Variants in F8 observed in about 807,000 individuals in gnomAD.
F8 encodes antihemophilic factor.
A neutral mutation model predicts 140.6 loss-of-function variants in F8; 12 were observed. The observed-to-expected ratio is 0.09, with a 90% confidence interval of 0.05 to 0.14. F8 has a LOEUF of 0.14. F8 is among the 10% of genes least tolerant of loss of function. The probability of loss-of-function intolerance (pLI) is 1.00; values close to 1 mark genes in which losing one functional copy is unlikely to be tolerated. For missense variants in F8, 1,354 were observed against 1,720.7 expected (o/e 0.79, Z 3.77); for synonymous variants, 585 against 614.6 (o/e 0.95, Z 0.71).
chrX:154,903,859 C>A (rs781831922), intron 18 of F8, 47 bp downstream of exon 18: 1 of 1,122,802 alleles, frequency 8.9e-7, no homozygotes, highest in Non-Finnish European at 1.2e-6. Context: ...AAAGTAAGTA[C>A]TCAACAAATA....
chrX:155,009,805 A>ATG (rs782347767), intron 1 of F8, among the ~76,000 whole-genome samples: 1 of 111,844 alleles, frequency 8.9e-6, no homozygotes, highest in Non-Finnish European at 1.9e-5. Context: ...CATATAAAAT[A>ATG]TGTTATAGAG....
At chrX:154,954,312 A>G (rs1353066305) in intron 11 of F8, among the ~76,000 whole-genome samples, 1 of 111,752 alleles carries the variant, frequency 8.9e-6, no homozygotes, top group Admixed American at 9.5e-5. Context: ...GCCATATGCT[A>G]GCTGATTTAT....
chrX:155,005,907 C>A (rs1157534203), intron 1 of F8, among the ~76,000 whole-genome samples: 2 of 111,607 alleles, frequency 1.8e-5, no homozygotes, highest in African/African-American at 6.5e-5. Flanking sequence ...GTGGGACTGA[C>A]CTTTATTCAG....
rs1557280937 is a variant in F8, at chrX:154,953,912, T to C, written c.1883A>G (p.Gln628Arg). 8.3e-7 allele frequency: 1 copy of C among 1,212,047 alleles called. No individual in the cohort carries two copies. The highest frequency in any genetic ancestry group is 2.2e-5 in the Admixed American group (1 of 46,071). ...CTCACTGTGCATGATGTTGGAGGCT[T>C]GGAACTCTGGATCCTCAAGCTGCAC... ...AGVQLEDPEF[Q>R]ASNIMHSING... is the part of the protein sequence containing the mutation. Residue 628 changes from glutamine to arginine, a missense_variant, in exon 12 of 26, where the codon CAA becomes CGA. Transcript: ENST00000360256.
chrX:154,873,807 T>C (rs1253882348), intron 22 of F8, among the ~76,000 whole-genome samples: 1 of 111,609 alleles, frequency 9.0e-6, no homozygotes, highest in African/African-American at 3.3e-5. Context: ...AGAAAGAAAT[T>C]GGGCCCTTTT....
chrX:154,847,936 G>C (rs1208297419), intron 25 of F8, among the ~76,000 whole-genome samples: 2 of 101,699 alleles, frequency 2.0e-5, no homozygotes, highest in Non-Finnish European at 4.1e-5. Context: ...TTTGGTCTTT[G>C]ATGATGGTGA....
chrX:154,994,026 C>T (rs1364411893), intron 3 of F8, among the ~76,000 whole-genome samples: 1 of 112,137 alleles, frequency 8.9e-6, no homozygotes, highest in Non-Finnish European at 1.9e-5. Flanking sequence ...GCCCTTGGAG[C>T]GAGCAACACA....
chrX:154,981,357 C>A (rs782566887), intron 6 of F8, among the ~76,000 whole-genome samples: 3 of 109,361 alleles, frequency 2.7e-5, no homozygotes, highest in Non-Finnish European at 5.7e-5. Context: ...CTGAAGAGTC[C>A]TATTCCACCA....
intron 14 of F8, among the ~76,000 whole-genome samples, chrX:154,911,077 G>C (rs1213958009): frequency 9.2e-6 from 1 of 108,682 alleles, no homozygotes; most frequent in Non-Finnish European, 1.9e-5. Flanking sequence ...TTACCCTATT[G>C]TTCTGCCACA....
chrX:154,847,460 T>G (rs1258658492), intron 25 of F8, among the ~76,000 whole-genome samples: 2 of 112,354 alleles, frequency 1.8e-5, no homozygotes, highest in East Asian at 5.5e-4. Context: ...TAGTCCCATA[T>G]TTCTTGGAGG....
At chrX:154,894,409 C>T (rs192148375) in intron 22 of F8, among the ~76,000 whole-genome samples, 10 of 88,012 alleles carry the variant, frequency 1.1e-4, no homozygotes, top group Admixed American at 1.1e-3. Context: ...AACACTCACA[C>T]TTGGAGGCCC....
At chrX:154,901,252 C>T (rs1207462081) in intron 20 of F8, 119 bp downstream of exon 20, 1 of 564,747 alleles carries the variant, frequency 1.8e-6, no homozygotes, top group Non-Finnish European at 3.1e-6. Context: ...TTGAGAGGCA[C>T]TTATGGAATA....
chrX:154,896,724 C>T (rs1557275659), intron 21 of F8, among the ~76,000 whole-genome samples: 1 of 111,946 alleles, frequency 8.9e-6, no homozygotes, highest in Non-Finnish European at 1.9e-5. Context: ...AGTTCAGAAA[C>T]TATTTTTCCT....
At chrX:154,927,892 T>C (rs1319301352) in intron 14 of F8, among the ~76,000 whole-genome samples, 4 of 112,030 alleles carry the variant, frequency 3.6e-5, no homozygotes, top group African/African-American at 1.3e-4. Context: ...CAAAGATGAT[T>C]TCTATGACCA....
Position 154,903,115 on chromosome X carries a change from T to C in F8, c.5998+791A>G, listed in dbSNP as rs1426202498. On this transcript the variant is annotated intron_variant, in intron 18 of 25. Coordinates refer to ENST00000360256, the MANE Select transcript of F8 (RefSeq NM_000132.4). Reference sequence around the variant, plus strand: ...ATTACTTAAGGGTGAGCAGAAAAGTTACAGGGCTTATCAGAATTTTTACGA... The same window carrying C: ...ATTACTTAAGGGTGAGCAGAAAAGTCACAGGGCTTATCAGAATTTTTACGA... Among the ~76,000 whole-genome samples the C allele has an allele frequency of 2.7e-5, 3 of 112,112 alleles. No homozygotes were observed. In the Admixed American group the frequency reaches 2.8e-4, roughly 11 times the overall value.
intron 22 of F8, among the ~76,000 whole-genome samples, chrX:154,869,059 G>A (rs2072752651): frequency 9.0e-6 from 1 of 111,502 alleles, no homozygotes; most frequent in Admixed American, 9.5e-5. Flanking sequence ...CAAGTTCTTA[G>A]AGACATACAA....
At chrX:154,905,394 A>T (rs1271164728) in intron 15 of F8, among the ~76,000 whole-genome samples, 1 of 111,914 alleles carries the variant, frequency 8.9e-6, no homozygotes, top group Non-Finnish European at 1.9e-5. Context: ...ATTATCTTTT[A>T]AAAAAGGCTT....
At chrX:154,864,715 A>G (rs901240123) in intron 22 of F8, among the ~76,000 whole-genome samples, 10 of 112,301 alleles carry the variant, frequency 8.9e-5, no homozygotes, top group African/African-American at 3.2e-4. Flanking sequence ...AAAATTTAAT[A>G]GCGATCTTTA....
At chrX:154,897,927 T>C (rs782128968) in intron 21 of F8, 7 of 112,428 alleles carry the variant, frequency 6.2e-5, no homozygotes, top group Admixed American at 2.8e-4. Flanking sequence ...TCTTCTACAT[T>C]ATAATTGGCA....
Sources: allele counts gnomAD v4.1 joint callset (sites outside exome capture counted in the v4.1 genomes callset), GRCh38; gene constraint gnomAD v4.1.1; transcripts MANE v1.5; gene names NCBI Gene and HGNC (gene_info 2026-07-23, HGNC 2026-07-21).